The following CLEC12A variants were observed in gnomAD, a reference collection of about 807,000 sequenced individuals.
The protein encoded by CLEC12A is C-type lectin domain family 12 member A, also known as C-type lectin protein CLL-1.
Under a neutral mutation model 26.5 loss-of-function variants are expected in CLEC12A, and 22 were observed. The observed-to-expected ratio is 0.83, with a 90% CI of 0.59 to 1.19. The LOEUF is 1.19. CLEC12A is among the 50% of genes most tolerant of loss of function. The pLI is 0.00. For synonymous variants in CLEC12A, 119 were observed against 101.9 expected (o/e 1.17, Z -1.01); for missense variants, 353 against 315.6 (o/e 1.12, Z -0.90).
chr12:9,951,699 G>A, intron 1 of CLEC12A: 1 of 320,980 alleles, frequency 3.1e-6, no homozygotes, highest in Non-Finnish European at 6.0e-6. Flanking sequence ...GCAGCAGTTA[G>A]ATTGTATTCT....
chr12:9,989,835 G>T (rs1367089222), downstream of CLEC12A, among the ~76,000 whole-genome samples: 2 of 152,136 alleles, frequency 1.3e-5, no homozygotes, highest in African/African-American at 4.8e-5. Context: ...TGACTCTCTT[G>T]TTAGGGACTA....
At chr12:9,958,958 C>T (rs1460922264) in intron 1 of CLEC12A, among the ~76,000 whole-genome samples, 5 of 152,204 alleles carry the variant, frequency 3.3e-5, no homozygotes, top group African/African-American at 1.2e-4. Flanking sequence ...AATGCACTTA[C>T]ACACAGACAT....
chr12:9,959,653 C>A (rs1322352173), intron 1 of CLEC12A, among the ~76,000 whole-genome samples: 1 of 152,000 alleles, frequency 6.6e-6, no homozygotes, highest in Non-Finnish European at 1.5e-5. Context: ...GGACTCGGGG[C>A]AGGTAGTCAT....
chr12:9,983,152 C>A (rs1201901208), intron 5 of CLEC12A, among the ~76,000 whole-genome samples: 1 of 151,914 alleles, frequency 6.6e-6, no homozygotes, highest in East Asian at 1.9e-4. Flanking sequence ...ATAATAATTC[C>A]TTTCCCTTTG....
At chr12:9,968,589 G>A (rs1322544168), upstream of CLEC12A, among the ~76,000 whole-genome samples, 2 of 152,160 alleles carry the variant, frequency 1.3e-5, no homozygotes, top group Non-Finnish European at 2.9e-5. Flanking sequence ...GTGGTGGAAT[G>A]TCATCAGTTA....
At chr12:9,978,114 T>G (rs1333282612) in intron 1 of CLEC12A, among the ~76,000 whole-genome samples, 1 of 152,138 alleles carries the variant, frequency 6.6e-6, no homozygotes, top group Admixed American at 6.5e-5. Context: ...CTATGAGATG[T>G]AAGACATAGC....
intron 4 of CLEC12A, chr12:9,992,840 G>C (rs893366949): frequency 4.0e-6 from 1 of 248,486 alleles, no homozygotes; most frequent in Non-Finnish European, 7.8e-6. Flanking sequence ...TGATTTTGAT[G>C]TTATATGTGT....
At chr12:9,986,683 C>T (rs978226197), downstream of CLEC12A, among the ~76,000 whole-genome samples, 9 of 152,242 alleles carry the variant, frequency 5.9e-5, no homozygotes, top group East Asian at 1.9e-4. Context: ...TGGTGACACA[C>T]GCCTACAGTC....
At chr12:9,979,173 G>T in intron 2 of CLEC12A, 109 bp downstream of exon 2, 1 of 1,030,298 alleles carries the variant, frequency 9.7e-7, no homozygotes. Context: ...TAGGTGATAG[G>T]CCCACAAGGA....
intron 1 of CLEC12A, among the ~76,000 whole-genome samples, chr12:9,977,076 T>TGTG (rs1864368254): frequency 6.6e-6 from 1 of 152,212 alleles, no homozygotes; most frequent in Admixed American, 6.5e-5. Context: ...AATGGACTAA[T>TGTG]ACACATGCTA....
At chr12:9,997,414 T>C, downstream of CLEC12A, 1 of 748,172 alleles carries the variant, frequency 1.3e-6, no homozygotes, top group Non-Finnish European at 2.1e-6. Context: ...ATTAAATGAA[T>C]GTTGAAAAGT....
At chr12:9,953,040 G>A (rs1863657588) in intron 1 of CLEC12A, 2 of 139,222 alleles carry the variant, frequency 1.4e-5, no homozygotes, top group Admixed American at 7.0e-5. Context: ...TCTGGGAAGT[G>A]AGGAGCGTCT....
chr12:9,953,400 G>T (rs866389748), intron 1 of CLEC12A: 1 of 71,894 alleles, frequency 1.4e-5, no homozygotes, highest in Non-Finnish European at 3.3e-5. Flanking sequence ...CCGTCCGGGA[G>T]GGAGGTGGGG....
upstream of CLEC12A, among the ~76,000 whole-genome samples, chr12:9,968,025 AAG>A (rs1300785195): frequency 6.6e-6 from 1 of 152,184 alleles, no homozygotes; most frequent in Non-Finnish European, 1.5e-5. Context: ...AACTGAAATT[AAG>A]AGAGAGATTG....
chr12:9,970,587 T>A (rs1408852890), upstream of CLEC12A, among the ~76,000 whole-genome samples: 1 of 152,122 alleles, frequency 6.6e-6, no homozygotes, highest in South Asian at 2.1e-4. Context: ...AAATAAAAAA[T>A]ACTAAGACTA....
chr12:9,997,202 A>T (rs765309726), downstream of CLEC12A: 7 of 1,613,896 alleles, frequency 4.3e-6, no homozygotes, highest in Non-Finnish European at 5.9e-6. Flanking sequence ...ACATATTGAC[A>T]GAAGCGCTTT....
intron 1 of CLEC12A, among the ~76,000 whole-genome samples, chr12:9,976,409 A>G (rs1457601192): frequency 1.3e-5 from 2 of 152,154 alleles, no homozygotes; most frequent in African/African-American, 2.4e-5. Flanking sequence ...GCCAAAGGAG[A>G]TGATTTTGGA....
downstream of CLEC12A, among the ~76,000 whole-genome samples, chr12:10,000,100 A>G (rs1412718429): frequency 6.6e-6 from 1 of 152,204 alleles, no homozygotes; most frequent in Non-Finnish European, 1.5e-5. Flanking sequence ...ACATAGTTTT[A>G]TGGCAGATTT....
chr12:9,985,143 C>T lies in CLEC12A; in HGVS notation c.*117C>T, dbSNP rs566950244. 4.4e-6 allele frequency: 5 copies of T among 1,148,304 alleles called. No individual in the cohort carries two copies. In the South Asian group the frequency reaches 1.3e-4, roughly 31 times the overall value. The allele number at this position is 1,148,304 out of a possible 1,614,324, so 71.1% of individuals were successfully genotyped here. A position where few individuals can be genotyped will look rare whatever the true frequency, so the allele number is the denominator to read the frequency against. On this transcript the variant is annotated 3_prime_UTR_variant, in exon 6 of 6. Transcript: ENST00000304361. ...TTTGTCTGAAGACCTGGGATTTTATCATGCAGATGAAACATCCAGGTAGCA... is the reference window on the plus strand; with the variant it reads ...TTTGTCTGAAGACCTGGGATTTTATTATGCAGATGAAACATCCAGGTAGCA...
Sources: gnomAD v4.1 joint callset for allele counts (sites outside exome capture counted in the v4.1 genomes callset) on GRCh38, gnomAD v4.1.1 for gene constraint, MANE v1.5 for transcripts, NCBI Gene and HGNC (gene_info 2026-07-23, HGNC 2026-07-21) for gene names.